Variants in TRAPPC11 observed in about 807,000 individuals in gnomAD.
TRAPPC11 encodes the protein trafficking protein particle complex subunit 11.
Under a neutral mutation model 151.2 loss-of-function variants are expected in TRAPPC11, and 104 were observed. That is an observed-to-expected ratio of 0.69 (90% CI 0.59 to 0.81). The LOEUF (loss-of-function observed/expected upper bound fraction) is 0.81, where lower values mean the gene tolerates loss of function less well. TRAPPC11 is among the 30% of genes least tolerant of loss of function. The probability of loss-of-function intolerance (pLI) is 0.00; values close to 1 mark genes in which losing one functional copy is unlikely to be tolerated. For synonymous variants in TRAPPC11, 456 were observed against 472.3 expected, an observed-to-expected ratio of 0.97 and a Z score of 0.45; for missense variants, 1,230 against 1,349.6, an observed-to-expected ratio of 0.91 and a Z score of 1.39.
At chr4:183,673,510 C>T (rs1467214729) in intron 5 of TRAPPC11, among the ~76,000 whole-genome samples, 3 of 151,782 alleles carry the variant, frequency 2.0e-5, no homozygotes, top group African/African-American at 7.3e-5. Context: ...CCCGTCTCTA[C>T]AAAAAATATA....
chr4:183,681,724 G>C (rs1010257210), intron 10 of TRAPPC11, among the ~76,000 whole-genome samples: 1 of 151,042 alleles, frequency 6.6e-6, no homozygotes, highest in South Asian at 2.1e-4. Flanking sequence ...GGCTTGCAGC[G>C]AGCCGAGATC....
Position 183,694,822 on chromosome 4 carries a change from T to G in TRAPPC11, c.2628+99T>G. 6 of 1,177,732 alleles carry G rather than the reference T, an allele frequency of 5.1e-6. No homozygotes were observed. The South Asian group carries it at 8.6e-5, about 17-fold the overall frequency. 73.0% of individuals were successfully genotyped at this position (1,177,732 alleles called of 1,614,324 possible). On this transcript the variant is annotated intron_variant, in intron 23 of 29. Coordinates refer to ENST00000334690, the MANE Select transcript of TRAPPC11 (RefSeq NM_021942.6). ...TAAAATAAGCATAAAATAAGCAGTT[T>G]AGGTGCTTATAGTCTGTTATAAATT...
intron 2 of TRAPPC11, among the ~76,000 whole-genome samples, chr4:183,664,686 G>T (rs748264302): frequency 3.9e-5 from 6 of 152,074 alleles, no homozygotes; most frequent in African/African-American, 7.2e-5. Flanking sequence ...TAACATAGTT[G>T]TAAAAAAACA....
chr4:183,673,550 T>G (rs1561033841), intron 5 of TRAPPC11, among the ~76,000 whole-genome samples: 1 of 151,984 alleles, frequency 6.6e-6, no homozygotes, highest in Non-Finnish European at 1.5e-5. Flanking sequence ...CATGTATGCA[T>G]GTAGTTCCAG....
intron 4 of TRAPPC11, 136 bp downstream of exon 4, chr4:183,667,266 C>A: frequency 1.6e-6 from 1 of 609,166 alleles, no homozygotes; most frequent in Non-Finnish European, 2.9e-6. Context: ...TTAAAAAGCA[C>A]CAATGATACA....
chr4:183,694,002 T>C lies in TRAPPC11; in HGVS notation c.2472T>C (p.Thr824=). The change falls in exon 22 of 30, where the codon ACT becomes ACC. Residue 824 remains threonine (T), a synonymous_variant. Transcript: ENST00000334690. ...ATGAATCCTACCCGGCTTTACTCACTGACATTCCTGTTGGAGACTTACATC... is the reference window on the plus strand; with the variant it reads ...ATGAATCCTACCCGGCTTTACTCACCGACATTCCTGTTGGAGACTTACATC... ...LCDESYPALL[T]DIPVGDLHPG... 1 of 1,614,054 alleles carries C rather than the reference T, an allele frequency of 6.2e-7. No homozygotes were observed. The highest frequency in any genetic ancestry group is 8.5e-7 in the Non-Finnish European group (1 of 1,179,888).
intron 23 of TRAPPC11, 36 bp downstream of exon 23, chr4:183,694,759 G>A (rs1373455594): frequency 1.3e-6 from 2 of 1,587,284 alleles, no homozygotes; most frequent in South Asian, 1.2e-5. Context: ...AGCATCATAT[G>A]TGGAGTATTC....
At chr4:183,661,757 C>CTTTTTTTTTTTTTTTTTTT (rs562308106) in intron 1 of TRAPPC11, among the ~76,000 whole-genome samples, 1 of 100,108 alleles carries the variant, frequency 1.0e-5, no homozygotes, top group African/African-American at 4.0e-5. Context: ...TTTGGAATAA[C>CTTTTTTTTTTTTTTTTTTT]TTTTTTTTTT....
intron 27 of TRAPPC11, among the ~76,000 whole-genome samples, chr4:183,705,309 G>A (rs1486067123): frequency 2.0e-5 from 3 of 151,860 alleles, no homozygotes; most frequent in Non-Finnish European, 4.4e-5. Flanking sequence ...TAAAAATAAT[G>A]GCTATTTTAA....
rs1022090823 is a variant in TRAPPC11 at position 183,668,014 on chromosome 4, A to G, written c.457A>G (p.Ile153Val). The G allele has an allele frequency of 4.4e-6, 7 of 1,607,078 alleles. No individual in the cohort carries two copies. Among genetic ancestry groups the G allele is most frequent in the Admixed American group, 1.7e-5 (1 of 59,692 alleles). The change falls in exon 5 of 30, where the codon ATT becomes GTT. Residue 153 changes from isoleucine (I) to valine (V), a missense_variant. By Grantham distance (29) the Ile-to-Val change is conservative. Coordinates refer to ENST00000334690, the MANE Select transcript of TRAPPC11 (RefSeq NM_021942.6). ...KTPLPPGEDV[I>V]ASERAAALCN... ...GGGATTATCAACAGGAGAAGATGTC[A>G]TTGCTTCAGAAAGGGCTGCAGCTTT...
At chr4:183,670,277 T>C in intron 5 of TRAPPC11, among the ~76,000 whole-genome samples, 1 of 152,234 alleles carries the variant, frequency 6.6e-6, no homozygotes, top group East Asian at 1.9e-4. Context: ...TGTAATGCAT[T>C]GGGAGTGATT....
chr4:183,661,361 CTTTTTTTTT>C (rs139201416), intron 1 of TRAPPC11, among the ~76,000 whole-genome samples: 1 of 79,392 alleles, frequency 1.3e-5, no homozygotes, highest in African/African-American at 5.1e-5. Context: ...TGTAGATTAC[CTTTTTTTTT>C]TTTTTTTTTT....
chr4:183,707,914 T>G (rs1737156753), intron 28 of TRAPPC11, among the ~76,000 whole-genome samples: 2 of 151,150 alleles, frequency 1.3e-5, no homozygotes, highest in Non-Finnish European at 3.0e-5. Context: ...TCAAAGATTT[T>G]CAAAACATCT....
At position 183,697,674 on chromosome 4, in the gene TRAPPC11, G is replaced by A; in HGVS notation, c.2695-5G>A. 2 of 1,613,470 alleles carry A rather than the reference G, an allele frequency of 1.2e-6. No homozygotes were observed. Among genetic ancestry groups the A allele is most frequent in the South Asian group, 1.1e-5 (1 of 91,018 alleles). Reference sequence around the variant, plus strand: ...TGACAGACCTTTTATCTTCATTTGTGACAGTTTGAGCACCTGGAAAGGGTT... The same window carrying A: ...TGACAGACCTTTTATCTTCATTTGTAACAGTTTGAGCACCTGGAAAGGGTT... On this transcript the variant is annotated splice_polypyrimidine_tract_variant and splice_region_variant and intron_variant, in intron 24 of 29. Transcript: ENST00000334690.
Position 183,667,047 on chromosome 4 carries a change from T to C in TRAPPC11, c.375-13T>C. Reference sequence around the variant, plus strand: ...TTAAAATAATTAATTTTATTCTTGCTTTTTCATTGCAGGCAAAGTTTACAA... The same window carrying C: ...TTAAAATAATTAATTTTATTCTTGCCTTTTCATTGCAGGCAAAGTTTACAA... On this transcript the variant is annotated splice_polypyrimidine_tract_variant and intron_variant, in intron 3 of 29. Transcript: ENST00000334690. 1 of 1,589,080 alleles carries C rather than the reference T, an allele frequency of 6.3e-7. No individual in the cohort carries two copies. The highest frequency in any genetic ancestry group is 1.2e-5 in the South Asian group (1 of 86,766).
At chr4:183,697,953 A>G in intron 25 of TRAPPC11, 118 bp downstream of exon 25, 1 of 929,924 alleles carries the variant, frequency 1.1e-6, no homozygotes, top group Non-Finnish European at 1.6e-6. Flanking sequence ...GGAACTTGAG[A>G]CCTGCACTCG....
chr4:183,696,607 G>C (rs1736551092), intron 23 of TRAPPC11, among the ~76,000 whole-genome samples: 1 of 152,058 alleles, frequency 6.6e-6, no homozygotes, highest in South Asian at 2.1e-4. Flanking sequence ...ATGTTGCTCA[G>C]GCTGGTCTTG....
chr4:183,697,481 T>C lies in TRAPPC11; in HGVS notation c.2629-22T>C, dbSNP rs768460098. On this transcript the variant is annotated intron_variant, in intron 23 of 29. Transcript: ENST00000334690. ...AAAAGATTTAGAAAATCCATGAATG[T>C]GCCCTTTACATTTTCTTGCAGGATG... 5 of 1,590,862 alleles carry C rather than the reference T, an allele frequency of 3.1e-6. No individual in the cohort carries two copies. The Admixed American group carries it at 9.6e-5, about 30-fold the overall frequency.
At position 183,693,610 on chromosome 4, in the gene TRAPPC11, C is replaced by G; in HGVS notation, c.2259C>G (p.Asn753Lys). 6.2e-7 allele frequency: 1 copy of G among 1,612,760 alleles called. No homozygotes were observed. The highest frequency in any genetic ancestry group is 1.7e-4 in the Middle Eastern group (1 of 6,054). ...ASTMIISRVP[N>K]ISVHLLHEPP... The stretch of plus-strand genomic sequence containing the variant: ...AAAGGATCATATCCAGAGTCCCAAA[C>G]ATTTCTGTACATCTGCTACATGAAC... Residue 753 changes from asparagine (N) to lysine (K), a missense_variant, in exon 21 of 30, where the codon AAC becomes AAG. Asn to Lys is a moderately conservative substitution (Grantham distance 94, BLOSUM62 0). Transcript: ENST00000334690.
Sources: gnomAD v4.1 joint callset for allele counts (sites outside exome capture counted in the v4.1 genomes callset) on GRCh38, gnomAD v4.1.1 for gene constraint, MANE v1.5 for transcripts, NCBI Gene and HGNC (gene_info 2026-07-23, HGNC 2026-07-21) for gene names.